ARRB1: variants seen among roughly 807,000 people sequenced by gnomAD.
ARRB1 encodes beta-arrestin-1.
In ARRB1, 21 loss-of-function variants were observed where a neutral mutation model predicts 56.8. That is an observed-to-expected ratio of 0.37 (90% CI 0.26 to 0.53). ARRB1 has a LOEUF of 0.53. Among genes scored for constraint, ARRB1 ranks in the 20% least tolerant of loss-of-function variants. The pLI, the probability that ARRB1 is intolerant of heterozygous loss-of-function variation, is 0.88. For synonymous variants in ARRB1, 210 were observed against 218.6 expected (o/e 0.96, Z 0.35); for missense variants, 424 against 553.7 (o/e 0.77, Z 2.35).
chr11:75,282,064 A>G (rs372017142), intron 5 of ARRB1, 43 bp from the exon 6 acceptor site: 1 of 1,603,850 alleles, frequency 6.2e-7, no homozygotes, highest in Non-Finnish European at 8.5e-7. Flanking sequence ...CACATCCACC[A>G]CTGTCCTGTC....
intron 1 of ARRB1, among the ~76,000 whole-genome samples, chr11:75,336,242 C>T (rs530614641): frequency 3.3e-5 from 5 of 152,258 alleles, no homozygotes; most frequent in African/African-American, 7.2e-5. Flanking sequence ...GAGAATCAAC[C>T]GTGCCCTCTC....
At chr11:75,348,879 C>G (rs1056577740) in intron 1 of ARRB1, among the ~76,000 whole-genome samples, 15 of 152,058 alleles carry the variant, frequency 9.9e-5, no homozygotes, top group African/African-American at 3.4e-4. Flanking sequence ...CGTGAACCAC[C>G]GCGCACAGCC....
intron 7 of ARRB1, among the ~76,000 whole-genome samples, chr11:75,280,457 GCAGA>G (rs1475956190): frequency 6.6e-6 from 1 of 152,220 alleles, no homozygotes; most frequent in African/African-American, 2.4e-5. Flanking sequence ...ATTCCAGGAG[GCAGA>G]CAGAGCACAG....
intron 1 of ARRB1, among the ~76,000 whole-genome samples, chr11:75,319,369 G>A (rs1275995016): frequency 6.6e-6 from 1 of 152,180 alleles, no homozygotes; most frequent in Non-Finnish European, 1.5e-5. Flanking sequence ...GCCACTCCAG[G>A]AGGCCAGGGT....
In ARRB1 at chr11:75,319,722, TG is replaced by T. The variant is rs553331305; in HGVS notation, c.21-29684del. ...GGCTCTGTCAGGCCAGGATGTACGC[TG>T]GTTTCATCCCTGTGAAGCTCTGTAA... On this transcript the variant is annotated intron_variant, in intron 1 of 15. Coordinates refer to ENST00000420843, the MANE Select transcript of ARRB1 (RefSeq NM_004041.5). Among the ~76,000 whole-genome samples, 423 of 152,266 alleles carry T rather than the reference TG, an allele frequency of 2.8e-3. 2 individuals carry two copies. The highest frequency in any genetic ancestry group is 9.6e-3 in the African/African-American group (399 of 41,560).
At chr11:75,266,922 G>A (rs1254396564) in intron 15 of ARRB1, among the ~76,000 whole-genome samples, 1 of 152,200 alleles carries the variant, frequency 6.6e-6, no homozygotes, top group African/African-American at 2.4e-5. Flanking sequence ...GGAGGCTTGA[G>A]TGGGGTTTCA....
chr11:75,267,758 G>T (rs879896663), intron 14 of ARRB1, 55 bp from the exon 15 acceptor site: 9 of 1,534,862 alleles, frequency 5.9e-6, no homozygotes, highest in Non-Finnish European at 7.2e-6. Context: ...GGATGAGCAC[G>T]GGGCGAGTAA....
intron 1 of ARRB1, among the ~76,000 whole-genome samples, chr11:75,348,837 A>G (rs1947809404): frequency 6.6e-6 from 1 of 152,076 alleles, no homozygotes; most frequent in South Asian, 2.1e-4. Context: ...CAATCTGCCC[A>G]TCTCAGCCTT....
chr11:75,275,319 G>A (rs1444865640), intron 10 of ARRB1, among the ~76,000 whole-genome samples: 1 of 151,494 alleles, frequency 6.6e-6, no homozygotes, highest in Admixed American at 6.6e-5. Context: ...ACTAATTTTT[G>A]TATTTTTAGT....
At chr11:75,345,821 G>A (rs1385971805) in intron 1 of ARRB1, among the ~76,000 whole-genome samples, 1 of 152,110 alleles carries the variant, frequency 6.6e-6, no homozygotes, top group African/African-American at 2.4e-5. Context: ...CCTAATTTCA[G>A]CACTTAGGGA....
At chr11:75,322,323 T>C (rs531393850) in intron 1 of ARRB1, among the ~76,000 whole-genome samples, 10 of 152,162 alleles carry the variant, frequency 6.6e-5, no homozygotes, top group Non-Finnish European at 1.2e-4. Flanking sequence ...CTGGCCAACA[T>C]GGCAAAACCC....
chr11:75,267,328 G>A (rs1565101364), intron 15 of ARRB1, among the ~76,000 whole-genome samples: 1 of 152,126 alleles, frequency 6.6e-6, no homozygotes, highest in African/African-American at 2.4e-5. Context: ...GGCAGGACAG[G>A]AGAGCCGAGC....
intron 1 of ARRB1, among the ~76,000 whole-genome samples, chr11:75,311,598 C>T (rs923636701): frequency 6.6e-6 from 1 of 152,216 alleles, no homozygotes; most frequent in East Asian, 1.9e-4. Flanking sequence ...ATCACAATCT[C>T]GTTTCACCCT....
chr11:75,321,268 C>G (rs141824154), intron 1 of ARRB1, among the ~76,000 whole-genome samples: 52 of 147,084 alleles, frequency 3.5e-4, no homozygotes, highest in Non-Finnish European at 5.7e-4. Flanking sequence ...CCTGCTCACC[C>G]CCCCCCACCA....
At chr11:75,292,430 C>T (rs565426334) in intron 1 of ARRB1, among the ~76,000 whole-genome samples, 75 of 152,306 alleles carry the variant, frequency 4.9e-4, no homozygotes, top group Non-Finnish European at 9.1e-4. Flanking sequence ...CGTGAGCCAC[C>T]GCGTCCAGCT....
chr11:75,274,170 G>T lies in ARRB1; in HGVS notation c.818C>A (p.Thr273Lys). 1.2e-6 allele frequency: 2 copies of T among 1,614,222 alleles called. No homozygotes were observed. Among genetic ancestry groups the T allele is most frequent in the Non-Finnish European group, 1.7e-6 (2 of 1,180,032 alleles). The change falls in exon 11 of 16, where the codon ACA becomes AAA. Residue 273 changes from threonine to lysine, a missense_variant. Physicochemically the swap from Thr to Lys is moderately conservative, Grantham distance 78 (BLOSUM62 -1). Around this residue, in one of 3 missense-constraint regions of ARRB1, gnomAD observed 301 missense variants for 387.9 expected, o/e 0.78. Transcript: ENST00000420843. ...GTTATTGGCTAGGAAGGGGGTCAGT[G>T]TGTAGACCTTGCAGAACGTCGAGCT... Reference protein sequence around the residue: ...APSSTFCKVYTLTPFLANNRE... With the variant: ...APSSTFCKVYKLTPFLANNRE...
intron 1 of ARRB1, among the ~76,000 whole-genome samples, chr11:75,303,002 T>C (rs917482076): frequency 2.0e-5 from 3 of 151,278 alleles, no homozygotes; most frequent in Non-Finnish European, 2.9e-5. Context: ...TTATTATCAT[T>C]ATTATTATTA....
In ARRB1 at chr11:75,329,493, G is replaced by C. The variant is rs1249396242; in HGVS notation, c.20+22095C>G. On this transcript the variant is annotated intron_variant, in intron 1 of 15. Transcript: ENST00000420843. Reference sequence around the variant, plus strand: ...TAGAATTCCAGATTCTAGGGTGGGAGGAGTGGGTTGTCCTTGCAGAGCCCC... The same window carrying C: ...TAGAATTCCAGATTCTAGGGTGGGACGAGTGGGTTGTCCTTGCAGAGCCCC... 2.0e-5 allele frequency among the ~76,000 whole-genome samples: 3 copies of C among 152,296 alleles called. No individual in the cohort carries two copies. The East Asian group carries it at 5.8e-4, about 29-fold the overall frequency.
chr11:75,312,000 T>A, intron 1 of ARRB1: 1 of 1,275,784 alleles, frequency 7.8e-7, no homozygotes. Flanking sequence ...AAGCTGACCG[T>A]TCTCGAAGGC....
Sources: gnomAD v4.1 joint callset for allele counts (sites outside exome capture counted in the v4.1 genomes callset) on GRCh38, gnomAD v4.1.1 for gene constraint, gnomAD v4.1.1 regional missense constraint, MANE v1.5 for transcripts, NCBI Gene and HGNC (gene_info 2026-07-23, HGNC 2026-07-21) for gene names.